SRGAP1: variants seen among roughly 807,000 people sequenced by gnomAD.
SRGAP1 encodes SLIT-ROBO Rho GTPase activating protein 1.
SRGAP1 carries 43 observed loss-of-function variants against 121.9 expected under a neutral mutation model. The observed-to-expected ratio is 0.35, with a 90% CI of 0.28 to 0.46. SRGAP1 has a LOEUF of 0.46. SRGAP1 is among the 20% of genes least tolerant of loss of function. The pLI, the probability that SRGAP1 is intolerant of heterozygous loss-of-function variation, is 1.00. For synonymous variants in SRGAP1, 447 were observed against 485.4 expected, an observed-to-expected ratio of 0.92 and a Z score of 1.04; for missense variants, 1,102 against 1,350.9, an observed-to-expected ratio of 0.82 and a Z score of 2.89.
intron 1 of SRGAP1, among the ~76,000 whole-genome samples, chr12:63,909,001 G>A (rs1008973559): frequency 6.6e-6 from 1 of 151,506 alleles, no homozygotes; most frequent in Non-Finnish European, 1.5e-5. Context: ...AGTGATTCTC[G>A]TGCCTCAGCC....
intron 1 of SRGAP1, among the ~76,000 whole-genome samples, chr12:63,884,782 C>T (rs1018485240): frequency 1.3e-4 from 19 of 142,576 alleles, no homozygotes; most frequent in African/African-American, 5.0e-4. Flanking sequence ...AGTGAAGTGG[C>T]GCGATCTCGG....
chr12:64,073,236 C>CA (rs1356750959), intron 8 of SRGAP1, among the ~76,000 whole-genome samples: 3 of 152,052 alleles, frequency 2.0e-5, no homozygotes, highest in Non-Finnish European at 4.4e-5. Context: ...CTGATACTTC[C>CA]AAATTTAACC....
chr12:63,899,719 A>T (rs185508937), intron 1 of SRGAP1, among the ~76,000 whole-genome samples: 1 of 152,248 alleles, frequency 6.6e-6, no homozygotes, highest in African/African-American at 2.4e-5. Flanking sequence ...GTTACAGTTC[A>T]TTATGTACAG....
At chr12:63,855,476 T>TG in intron 1 of SRGAP1, among the ~76,000 whole-genome samples, 1 of 59,010 alleles carries the variant, frequency 1.7e-5, no homozygotes, top group Non-Finnish European at 3.0e-5. Context: ...AAATGGTGTT[T>TG]TTTTTTTTTT....
At chr12:64,062,705 CG>C (rs1166517125) in intron 6 of SRGAP1, among the ~76,000 whole-genome samples, 2 of 151,880 alleles carry the variant, frequency 1.3e-5, no homozygotes, top group Non-Finnish European at 2.9e-5. Flanking sequence ...TTAGTAGAGA[CG>C]GGGGGTCTTC....
chr12:64,036,129 A>G (rs1483958136), intron 4 of SRGAP1, among the ~76,000 whole-genome samples: 1 of 152,168 alleles, frequency 6.6e-6, no homozygotes, highest in African/African-American at 2.4e-5. Flanking sequence ...TTGCAGATGT[A>G]AAGATCATGG....
At chr12:63,849,753 A>AT (rs1224852200) in intron 1 of SRGAP1, among the ~76,000 whole-genome samples, 2 of 152,114 alleles carry the variant, frequency 1.3e-5, no homozygotes, top group Non-Finnish European at 2.9e-5. Context: ...GACTTTTAAC[A>AT]TTTTTTCTCC....
chr12:63,885,558 G>A (rs1156948078), intron 1 of SRGAP1, among the ~76,000 whole-genome samples: 1 of 152,206 alleles, frequency 6.6e-6, no homozygotes, highest in African/African-American at 2.4e-5. Flanking sequence ...CAGACTGAGT[G>A]GAGGAATCCA....
At chr12:64,138,271 C>T (rs1481451995) in intron 21 of SRGAP1, among the ~76,000 whole-genome samples, 1 of 151,910 alleles carries the variant, frequency 6.6e-6, no homozygotes, top group African/African-American at 2.4e-5. Context: ...TCAAGGTTTA[C>T]ACATGCTGTA....
Position 64,137,961 on chromosome 12 carries a change from A to AAATATATAT in SRGAP1, c.2881-4333_2881-4332insATATATATA, listed in dbSNP as rs372355390. 4.2e-3 allele frequency among the ~76,000 whole-genome samples: 589 copies of AAATATATAT among 139,636 alleles called. 2 individuals are homozygous for AAATATATAT. The highest frequency in any genetic ancestry group is 0.012 in the South Asian group (55 of 4,446). The allele number at this position is 139,636 out of a possible 152,430, so 91.6% of individuals were successfully genotyped here. A position where few individuals can be genotyped will look rare whatever the true frequency, so the allele number is the denominator to read the frequency against. The stretch of plus-strand genomic sequence containing the variant: ...CTTTCTTAATTGTGCTTAAAAAAAA[A>AAATATATAT]ATATATATATATATATATATAAAAA... On this transcript the variant is annotated intron_variant, in intron 21 of 21. Transcript: ENST00000355086.
chr12:63,855,575 C>T (rs1899222188), intron 1 of SRGAP1, among the ~76,000 whole-genome samples: 1 of 146,110 alleles, frequency 6.8e-6, no homozygotes, highest in Admixed American at 7.0e-5. Flanking sequence ...ACTGCAACCT[C>T]CACCTCCCAA....
intron 1 of SRGAP1, among the ~76,000 whole-genome samples, chr12:63,930,086 A>G (rs2031414863): frequency 6.6e-6 from 1 of 152,174 alleles, no homozygotes. Context: ...ACGCCTTTAC[A>G]CTGTTGGTGG....
intron 6 of SRGAP1, among the ~76,000 whole-genome samples, chr12:64,061,787 T>C (rs2136535016): frequency 6.6e-6 from 1 of 152,302 alleles, no homozygotes; most frequent in Middle Eastern, 3.4e-3. Flanking sequence ...AATAAAATCA[T>C]ATGTGGTCTT....
intron 1 of SRGAP1, among the ~76,000 whole-genome samples, chr12:63,910,015 A>G (rs1234586915): frequency 6.6e-6 from 1 of 152,254 alleles, no homozygotes; most frequent in East Asian, 1.9e-4. Flanking sequence ...GCAACATCTA[A>G]ATTAGTGTCT....
chr12:64,147,272 A>G lies in SRGAP1; in HGVS notation c.*4600A>G, dbSNP rs1376506141. 4 of 389,284 alleles carry G rather than the reference A, an allele frequency of 1.0e-5. 1 individual carries two copies. Among genetic ancestry groups the G allele is most frequent in the Non-Finnish European group, 1.8e-5 (4 of 220,696 alleles). The allele number at this position is 389,284 out of a possible 1,614,324, so 24.1% of individuals were successfully genotyped here. ...CTGTTACCTAATTGTGTCAATGTAC[A>G]TCTGTAGTATGTACATGTGAAAGTG... On this transcript the variant is annotated 3_prime_UTR_variant, in exon 22 of 22. Transcript: ENST00000355086.
intron 4 of SRGAP1, among the ~76,000 whole-genome samples, chr12:64,024,582 T>C (rs1050746861): frequency 6.6e-6 from 1 of 152,244 alleles, no homozygotes; most frequent in African/African-American, 2.4e-5. Flanking sequence ...AGGATCCATG[T>C]CTTGCTCCAT....
At chr12:63,950,333 G>A (rs2032245977) in intron 1 of SRGAP1, among the ~76,000 whole-genome samples, 1 of 152,188 alleles carries the variant, frequency 6.6e-6, no homozygotes, top group South Asian at 2.1e-4. Context: ...CTCATCTTGG[G>A]AGATTTATTC....
intron 6 of SRGAP1, 30 bp from the exon 7 acceptor site, chr12:64,062,887 T>C: frequency 6.4e-7 from 1 of 1,561,854 alleles, no homozygotes; most frequent in Non-Finnish European, 8.8e-7. Flanking sequence ...TGCATTCATT[T>C]TTGTATGTGG....
intron 4 of SRGAP1, among the ~76,000 whole-genome samples, chr12:64,041,461 T>C (rs2035022612): frequency 6.6e-6 from 1 of 151,948 alleles, no homozygotes; most frequent in African/African-American, 2.4e-5. Context: ...CTCAGCTCAC[T>C]GCCACTTCCA....
Sources: gnomAD v4.1 joint callset for allele counts (sites outside exome capture counted in the v4.1 genomes callset) on GRCh38, gnomAD v4.1.1 for gene constraint, MANE v1.5 for transcripts, NCBI Gene and HGNC (gene_info 2026-07-23, HGNC 2026-07-21) for gene names.